TRIM22: variants seen among roughly 807,000 people sequenced by gnomAD.
The protein encoded by TRIM22 is E3 ubiquitin-protein ligase TRIM22.
Under a neutral mutation model 53.6 loss-of-function variants are expected in TRIM22, and 45 were observed. The ratio of observed to expected loss-of-function variants is 0.84; its 90% CI spans 0.66 to 1.08. TRIM22 has a LOEUF of 1.08. TRIM22 is among the 50% of genes least tolerant of loss of function. TRIM22 has a pLI of 0.00. For missense variants in TRIM22, 616 were observed against 590.9 expected, an observed-to-expected ratio of 1.04 and a Z score of -0.44; for synonymous variants, 225 against 216.6, an observed-to-expected ratio of 1.04 and a Z score of -0.34.
In TRIM22 at chr11:5,709,708, GC is replaced by G. The variant is rs1853528914; in HGVS notation, c.*61del. ...GCCCTTGTGCTGAGACTCAGATTCT[GC>G]ACCTGAGTTCATCTCTACTGAGACC... is the stretch of plus-strand genomic sequence containing the variant. On this transcript the variant is annotated 3_prime_UTR_variant, in exon 8 of 8. Coordinates refer to ENST00000379965, the MANE Select transcript of TRIM22 (RefSeq NM_006074.5). 1 of 1,414,450 alleles carries G rather than the reference GC, an allele frequency of 7.1e-7. No individual in the cohort carries two copies. The allele number at this position is 1,414,450 out of a possible 1,614,324, so 87.6% of individuals were successfully genotyped here.
Position 5,709,141 on chromosome 11 carries a change from A to G in TRIM22, c.990A>G (p.Thr330=), listed in dbSNP as rs1357326395. 1.2e-6 allele frequency: 2 copies of G among 1,614,092 alleles called. No individual in the cohort carries two copies. Among genetic ancestry groups the G allele is most frequent in the Admixed American group, 1.7e-5 (1 of 60,002 alleles). The change falls in exon 8 of 8, where the codon ACA becomes ACG. Residue 330 remains threonine, a synonymous_variant. Transcript: ENST00000379965. ...QRQVKTVRTC[T]FKNSNPCDFS... ...AAGTGAAAACTGTACGCACCTGCAC[A>G]TTTAAGAATTCAAATCCATGTGATT...
At chr11:5,699,472 C>T (rs1025501103) in intron 4 of TRIM22, among the ~76,000 whole-genome samples, 2 of 110,624 alleles carry the variant, frequency 1.8e-5, no homozygotes, top group Non-Finnish European at 3.3e-5. Context: ...TGCAATGAAC[C>T]GAGATTGCGC....
At chr11:5,705,202 A>G (rs766759837) in intron 4 of TRIM22, among the ~76,000 whole-genome samples, 1 of 152,090 alleles carries the variant, frequency 6.6e-6, no homozygotes, top group Non-Finnish European at 1.5e-5. Flanking sequence ...TATATACTTG[A>G]CTCAATTGGA....
At chr11:5,701,134 G>T (rs1210441382) in intron 4 of TRIM22, among the ~76,000 whole-genome samples, 1 of 152,098 alleles carries the variant, frequency 6.6e-6, no homozygotes, top group African/African-American at 2.4e-5. Flanking sequence ...TTGCATCTGT[G>T]TTCATGAGAG....
chr11:5,692,118 A>C (rs77882275), intron 1 of TRIM22, among the ~76,000 whole-genome samples: 13,367 of 152,298 alleles, frequency 0.088, 641 homozygotes, highest in African/African-American at 0.096. Flanking sequence ...GTAAACACGC[A>C]GTCAAAAAAA....
In TRIM22 at chr11:5,708,570, G is replaced by T. The variant is rs368072028; in HGVS notation, c.875-7G>T. 4.4e-6 allele frequency: 7 copies of T among 1,602,130 alleles called. No individual in the cohort carries two copies. In the African/African-American group the frequency reaches 6.8e-5, roughly 15 times the overall value. ...TAACAACATCACTGAAACTTTTGTC[G>T]TTTCAGAGCTGACAGATGTCCAGTA... On this transcript the variant is annotated splice_region_variant and splice_polypyrimidine_tract_variant and intron_variant, in intron 6 of 7. Coordinates refer to ENST00000379965, the MANE Select transcript of TRIM22 (RefSeq NM_006074.5).
intron 7 of TRIM22, 92 bp downstream of exon 7, chr11:5,708,695 A>G (rs1363697192): frequency 2.6e-6 from 3 of 1,165,660 alleles, no homozygotes; most frequent in Non-Finnish European, 3.6e-6. Flanking sequence ...TCCTCCCCAA[A>G]CATGCTTAAA....
intron 1 of TRIM22, among the ~76,000 whole-genome samples, chr11:5,693,479 G>A (rs533786485): frequency 1.3e-5 from 2 of 151,928 alleles, no homozygotes; most frequent in East Asian, 3.9e-4. Flanking sequence ...CCAGCACTTT[G>A]GGAGGCCGAG....
intron 4 of TRIM22, among the ~76,000 whole-genome samples, chr11:5,698,777 T>C (rs995747966): frequency 3.9e-5 from 6 of 152,176 alleles, no homozygotes; most frequent in African/African-American, 1.4e-4. Context: ...GTGTAAAAAT[T>C]TGAGCTTGGA....
intron 1 of TRIM22, among the ~76,000 whole-genome samples, chr11:5,692,876 C>CTTTTTTTTTTTTTT (rs376485434): frequency 1.5e-5 from 2 of 132,918 alleles, no homozygotes; most frequent in African/African-American, 2.8e-5. Flanking sequence ...TTAATTTAAT[C>CTTTTTTTTTTTTTT]TTTTTTTTTT....
intron 3 of TRIM22, 159 bp downstream of exon 3, chr11:5,697,502 A>T: frequency 1.8e-6 from 1 of 547,386 alleles, no homozygotes; most frequent in Non-Finnish European, 3.2e-6. Context: ...GTTGGAGTTT[A>T]GGGGCTGGAG....
Position 5,709,818 on chromosome 11 carries a change from T to C in TRIM22, c.*170T>C, listed in dbSNP as rs367643695. ...GCTTCCATAGCAAAGCATCATAGAT[T>C]GCTGATTTAAACTGTAATTGTATTG... On this transcript the variant is annotated 3_prime_UTR_variant, in exon 8 of 8. Coordinates refer to ENST00000379965, the MANE Select transcript of TRIM22 (RefSeq NM_006074.5). 1.6e-6 allele frequency: 1 copy of C among 636,554 alleles called. No homozygotes were observed. The highest frequency in any genetic ancestry group is 2.1e-5 in the South Asian group (1 of 47,148). The allele number at this position is 636,554 out of a possible 1,614,324, so 39.4% of individuals were successfully genotyped here. A position where few individuals can be genotyped will look rare whatever the true frequency, so the allele number is the denominator to read the frequency against.
At chr11:5,691,237 G>A (rs867957525) in intron 1 of TRIM22, 2 of 152,230 alleles carry the variant, frequency 1.3e-5, no homozygotes, top group South Asian at 2.1e-4. Flanking sequence ...CTCAAGAGCC[G>A]AGCTCCTCGA....
chr11:5,709,651 G>C lies in TRIM22; in HGVS notation c.*3G>C. 1 of 1,599,338 alleles carries C rather than the reference G, an allele frequency of 6.3e-7. No individual in the cohort carries two copies. Among genetic ancestry groups the C allele is most frequent in the South Asian group, 1.1e-5 (1 of 90,822 alleles). On this transcript the variant is annotated 3_prime_UTR_variant, in exon 8 of 8. Coordinates refer to ENST00000379965, the MANE Select transcript of TRIM22 (RefSeq NM_006074.5). ...CTGTGTGCCCACCGAGCTCCTGAGT[G>C]TTCTCATTCCTTTACCCACTTCTGC...
Position 5,709,316 on chromosome 11 carries a change from G to C in TRIM22, c.1165G>C (p.Asp389His), listed in dbSNP as rs773713724. Residue 389 changes from aspartate (D) to histidine (H), a missense_variant, in exon 8 of 8, where the codon GAT becomes CAT. Coordinates refer to ENST00000379965, the MANE Select transcript of TRIM22 (RefSeq NM_006074.5). ...NKRKSSGFAF[D>H]PSVNYSKVYS... Reference sequence around the variant, plus strand: ...AAGGAAGAGCTCTGGGTTTGCTTTTGATCCAAGTGTAAATTATTCAAAAGT... The same window carrying C: ...AAGGAAGAGCTCTGGGTTTGCTTTTCATCCAAGTGTAAATTATTCAAAAGT... The C allele has an allele frequency of 6.2e-7, 1 of 1,613,902 alleles. No individual in the cohort carries two copies. Among genetic ancestry groups the C allele is most frequent in the Non-Finnish European group, 8.5e-7 (1 of 1,180,016 alleles).
In TRIM22 at chr11:5,698,536, G is replaced by A; in HGVS notation, c.741G>A (p.Glu247=). The A allele has an allele frequency of 6.2e-7, 1 of 1,612,242 alleles. No individual in the cohort carries two copies. Among genetic ancestry groups the A allele is most frequent in the Non-Finnish European group, 8.5e-7 (1 of 1,178,776 alleles). The change falls in exon 4 of 8, where the codon GAG becomes GAA. Residue 247 remains glutamate, a synonymous_variant. Coordinates refer to ENST00000379965, the MANE Select transcript of TRIM22 (RefSeq NM_006074.5). ...GGAGGTTGAGGGGATCGTCAGTAGA[G>A]ATGCTGCAGGTAAGACTTGGGATGG... ...LQRRLRGSSV[E]MLQDVIDVMK...
At chr11:5,696,750 C>G (rs376896776) in intron 2 of TRIM22, 95 bp downstream of exon 2, 4 of 1,321,376 alleles carry the variant, frequency 3.0e-6, no homozygotes, top group Non-Finnish European at 4.1e-6. Flanking sequence ...TTCCCCTTGT[C>G]ACCATAGAAC....
chr11:5,694,609 C>T (rs1479243755), intron 1 of TRIM22, among the ~76,000 whole-genome samples: 1 of 152,156 alleles, frequency 6.6e-6, no homozygotes, highest in Non-Finnish European at 1.5e-5. Flanking sequence ...TCTTACTCTA[C>T]CTATTAGATT....
At chr11:5,706,013 T>G (rs1263648850) in intron 4 of TRIM22, among the ~76,000 whole-genome samples, 3 of 152,214 alleles carry the variant, frequency 2.0e-5, no homozygotes, top group East Asian at 3.8e-4. Context: ...TTAAGGACTT[T>G]TATTATTAAT....
Sources: allele counts gnomAD v4.1 joint callset (sites outside exome capture counted in the v4.1 genomes callset), GRCh38; gene constraint gnomAD v4.1.1; transcripts MANE v1.5; gene names NCBI Gene and HGNC (gene_info 2026-07-23, HGNC 2026-07-21).